Variants in CEP63 observed in about 807,000 individuals in gnomAD.
CEP63 encodes centrosomal protein of 63 kDa.
CEP63 carries 84 observed loss-of-function variants against 89.1 expected under a neutral mutation model. The ratio of observed to expected loss-of-function variants is 0.94; its 90% CI spans 0.79 to 1.13. The LOEUF is 1.13. Among genes scored for constraint, CEP63 ranks in the 50% most tolerant of loss-of-function variants. The pLI, the probability that CEP63 is intolerant of heterozygous loss-of-function variation, is 0.00. For synonymous variants in CEP63, 267 were observed against 272.5 expected, an observed-to-expected ratio of 0.98 and a Z score of 0.20; for missense variants, 838 against 813.3, an observed-to-expected ratio of 1.03 and a Z score of -0.37.
chr3:134,763,041 G>C, the CEP63 span, among the ~76,000 whole-genome samples: 1 of 152,150 alleles, frequency 6.6e-6, no homozygotes, highest in Non-Finnish European at 1.5e-5. Context: ...AAGCAAATCA[G>C]AGGGCAGGAG....
chr3:134,589,324 T>TA (rs1958552670), downstream of CEP63, among the ~76,000 whole-genome samples: 1 of 152,152 alleles, frequency 6.6e-6, no homozygotes, highest in Admixed American at 6.5e-5. Flanking sequence ...AAATGATATA[T>TA]AAGAAGTGAT....
intron 1 of CEP63, among the ~76,000 whole-genome samples, chr3:134,491,929 G>A (rs1268163784): frequency 6.6e-6 from 1 of 151,988 alleles, no homozygotes; most frequent in Admixed American, 6.6e-5. Flanking sequence ...GAATAATTTG[G>A]TCTTGGGCAT....
At chr3:134,621,028 T>C in the CEP63 span, among the ~76,000 whole-genome samples, 1 of 152,078 alleles carries the variant, frequency 6.6e-6, no homozygotes, top group Non-Finnish European at 1.5e-5. Flanking sequence ...TGGGGGAAGT[T>C]GGACAGGGCA....
the CEP63 span, chr3:134,603,902 G>A: frequency 1.2e-6 from 2 of 1,613,988 alleles, no homozygotes; most frequent in East Asian, 2.2e-5. Flanking sequence ...CAGCATACAA[G>A]GTAATTAAAG....
At chr3:134,780,951 A>G in the CEP63 span, among the ~76,000 whole-genome samples, 1 of 152,310 alleles carries the variant, frequency 6.6e-6, no homozygotes, top group East Asian at 1.9e-4. Context: ...TGGAATTGAT[A>G]TTTGTGTGAG....
At chr3:134,740,735 A>G in the CEP63 span, among the ~76,000 whole-genome samples, 1 of 152,162 alleles carries the variant, frequency 6.6e-6, no homozygotes, top group Admixed American at 6.5e-5. Context: ...GAGAAACACT[A>G]TTCAGAACTC....
At chr3:134,705,614 T>C in the CEP63 span, among the ~76,000 whole-genome samples, 1 of 152,306 alleles carries the variant, frequency 6.6e-6, no homozygotes, top group Non-Finnish European at 1.5e-5. Flanking sequence ...CCAGGGTTTA[T>C]GTTTGAGGAT....
intron 1 of CEP63, among the ~76,000 whole-genome samples, chr3:134,494,242 A>G (rs1351012483): frequency 2.7e-5 from 4 of 149,920 alleles, no homozygotes; most frequent in African/African-American, 9.8e-5. Context: ...CAGCCTCCCC[A>G]TGGCTGGAAC....
chr3:134,736,785 TTTGA>T, the CEP63 span, among the ~76,000 whole-genome samples: 1 of 152,144 alleles, frequency 6.6e-6, no homozygotes, highest in African/African-American at 2.4e-5. Flanking sequence ...AATTTGCCAG[TTTGA>T]TTGTAGAATT....
chr3:134,694,578 G>A, the CEP63 span, among the ~76,000 whole-genome samples: 56 of 152,330 alleles, frequency 3.7e-4, 1 homozygote, highest in African/African-American at 1.1e-3. Context: ...CATAACAAGT[G>A]TGTCACTGTC....
intron 10 of CEP63, among the ~76,000 whole-genome samples, chr3:134,585,639 G>A (rs993505448): frequency 4.6e-5 from 7 of 152,000 alleles, no homozygotes; most frequent in Admixed American, 6.5e-5. Flanking sequence ...GAATAAGTGC[G>A]ATGTGGTGCT....
At chr3:134,570,305 AC>A (rs1317777756) in intron 11 of CEP63, among the ~76,000 whole-genome samples, 3 of 152,180 alleles carry the variant, frequency 2.0e-5, no homozygotes, top group Non-Finnish European at 4.4e-5. Flanking sequence ...GATTTTCCAA[AC>A]TTTTATGCTC....
At chr3:134,598,964 C>CCAG in the CEP63 span, among the ~76,000 whole-genome samples, 1 of 152,250 alleles carries the variant, frequency 6.6e-6, no homozygotes, top group Non-Finnish European at 1.5e-5. Flanking sequence ...TGGGCTTTCT[C>CCAG]CAGCCCCTTG....
At chr3:134,539,412 A>T (rs2109323864) in intron 6 of CEP63, among the ~76,000 whole-genome samples, 1 of 152,332 alleles carries the variant, frequency 6.6e-6, no homozygotes, top group South Asian at 2.1e-4. Flanking sequence ...ATTACAGAGC[A>T]AATCATAGAT....
downstream of CEP63, among the ~76,000 whole-genome samples, chr3:134,579,766 G>A (rs1417777796): frequency 6.6e-6 from 1 of 152,040 alleles, no homozygotes; most frequent in Non-Finnish European, 1.5e-5. Flanking sequence ...TGTCTATAGT[G>A]GCATTACTCA....
intron 2 of CEP63, among the ~76,000 whole-genome samples, 186 bp from the exon 3 acceptor site, chr3:134,506,918 CAAAAA>C (rs1229943667): frequency 8.2e-5 from 2 of 24,278 alleles, no homozygotes; most frequent in Admixed American, 4.1e-4. Flanking sequence ...AACTCCATCT[CAAAAA>C]AAAAAAAAAA....
chr3:134,522,352 G>A (rs1300075634), intron 3 of CEP63, among the ~76,000 whole-genome samples: 1 of 152,080 alleles, frequency 6.6e-6, no homozygotes, highest in Non-Finnish European at 1.5e-5. Context: ...CTGGCAAAGC[G>A]TTTTCTTCTG....
At chr3:134,651,898 A>G in the CEP63 span, among the ~76,000 whole-genome samples, 1 of 151,986 alleles carries the variant, frequency 6.6e-6, no homozygotes, top group African/African-American at 2.4e-5. Context: ...TCTGCCTGGT[A>G]CCCCTGGGCA....
the CEP63 span, among the ~76,000 whole-genome samples, chr3:134,682,371 A>G: frequency 6.6e-6 from 1 of 152,138 alleles, no homozygotes; most frequent in Non-Finnish European, 1.5e-5. Context: ...TACCAAGAAG[A>G]GCAAATTACT....
Sources: allele counts gnomAD v4.1 joint callset (sites outside exome capture counted in the v4.1 genomes callset), GRCh38; gene constraint gnomAD v4.1.1; transcripts MANE v1.5; gene names NCBI Gene and HGNC (gene_info 2026-07-23, HGNC 2026-07-21).